LINGO1: variants seen among roughly 807,000 people sequenced by gnomAD.
The protein encoded by LINGO1 is leucine rich repeat and Ig domain containing 1.
Under a neutral mutation model 37.3 loss-of-function variants are expected in LINGO1, and 11 were observed. The observed-to-expected ratio is 0.29, with a 90% confidence interval of 0.19 to 0.49. The LOEUF (loss-of-function observed/expected upper bound fraction) is 0.49, where lower values mean the gene tolerates loss of function less well. Among genes scored for constraint, LINGO1 ranks in the 20% least tolerant of loss-of-function variants. The pLI is 0.99. For missense variants in LINGO1, 585 were observed against 878.2 expected, an observed-to-expected ratio of 0.67 and a Z score of 4.22; for synonymous variants, 387 against 403.0, an observed-to-expected ratio of 0.96 and a Z score of 0.48.
At chr15:77,727,821 A>C (rs1039054451) in intron 2 of LINGO1, among the ~76,000 whole-genome samples, 3 of 152,074 alleles carry the variant, frequency 2.0e-5, no homozygotes, top group African/African-American at 4.8e-5. Context: ...CAGAGAGGTG[A>C]AGTAATTTCC....
intron 1 of LINGO1, among the ~76,000 whole-genome samples, chr15:77,737,440 G>A (rs1311665077): frequency 1.3e-5 from 2 of 152,002 alleles, no homozygotes; most frequent in African/African-American, 4.8e-5. Flanking sequence ...AGGGGAGGAA[G>A]GAGAGGGAGG....
intron 3 of LINGO1, chr15:77,647,766 C>A: frequency 2.3e-6 from 1 of 434,020 alleles, no homozygotes. Flanking sequence ...CTTTGCCCTT[C>A]CCTCTCACCC....
intron 1 of LINGO1, among the ~76,000 whole-genome samples, chr15:77,782,469 G>A (rs2076729372): frequency 6.6e-6 from 1 of 152,184 alleles, no homozygotes; most frequent in Admixed American, 6.5e-5. Flanking sequence ...TTAGGGCAAA[G>A]CCTTTGACCT....
At chr15:77,675,967 T>C (rs191565393) in intron 3 of LINGO1, among the ~76,000 whole-genome samples, 78 of 152,332 alleles carry the variant, frequency 5.1e-4, no homozygotes, top group African/African-American at 1.8e-3. Flanking sequence ...CACAGCTCCA[T>C]GCCTGTCTCT....
Position 77,632,528 on chromosome 15 carries a change from G to A in LINGO1, c.-213C>T, listed in dbSNP as rs1405273231. 2 of 322,526 alleles carry A rather than the reference G, an allele frequency of 6.2e-6. No individual in the cohort carries two copies. Among genetic ancestry groups the A allele is most frequent in the African/African-American group, 2.2e-5 (1 of 45,214 alleles). 20.0% of individuals were successfully genotyped at this position (322,526 alleles called of 1,614,324 possible). ...AGCCGGAGCCGGGGCCGGGGCTCGG[G>A]AGTGGGGAGGCGGGAGGCCGCGGCC... On this transcript the variant is annotated 5_prime_UTR_variant, in exon 1 of 2. Transcript: ENST00000355300. The surrounding 1 kb of genome is among the most constrained non-coding windows in gnomAD (Gnocchi z 6.0).
At chr15:77,656,663 C>G (rs1251299576) in intron 3 of LINGO1, among the ~76,000 whole-genome samples, 1 of 152,146 alleles carries the variant, frequency 6.6e-6, no homozygotes, top group Non-Finnish European at 1.5e-5. Context: ...GACTCCCAGT[C>G]CTGTCCTCGG....
chr15:77,624,899 T>G (rs1434590845), intron 1 of LINGO1, among the ~76,000 whole-genome samples: 1 of 152,128 alleles, frequency 6.6e-6, no homozygotes, highest in African/African-American at 2.4e-5. Context: ...AGTATCTCCC[T>G]TCTCATGTCT....
At chr15:77,780,009 C>G (rs1196832022) in intron 1 of LINGO1, among the ~76,000 whole-genome samples, 2 of 152,178 alleles carry the variant, frequency 1.3e-5, no homozygotes, top group Non-Finnish European at 2.9e-5. Flanking sequence ...GCCACAGAAG[C>G]TCAGAGGAGG....
At chr15:77,700,321 T>C (rs1240873156), upstream of LINGO1, among the ~76,000 whole-genome samples, 3 of 152,204 alleles carry the variant, frequency 2.0e-5, no homozygotes, top group Non-Finnish European at 2.9e-5. Flanking sequence ...TTGCCTACTC[T>C]GGGAGAAGGG....
intron 3 of LINGO1, among the ~76,000 whole-genome samples, chr15:77,670,173 C>T (rs1382866086): frequency 6.6e-6 from 1 of 152,046 alleles, no homozygotes; most frequent in Non-Finnish European, 1.5e-5. Flanking sequence ...AAAGTAGATT[C>T]GTGGTTGCCA....
chr15:77,803,569 C>A (rs1436026209), intron 1 of LINGO1, among the ~76,000 whole-genome samples: 1 of 152,012 alleles, frequency 6.6e-6, no homozygotes, highest in Non-Finnish European at 1.5e-5. Context: ...AAGGTAATTC[C>A]CAGTGTTGGA....
In LINGO1 at chr15:77,639,596, G is replaced by A. The variant is rs557168835; in HGVS notation, c.-12-23696C>T. 2.0e-5 allele frequency among the ~76,000 whole-genome samples: 3 copies of A among 152,238 alleles called. No individual in the cohort carries two copies. In the East Asian group the frequency reaches 5.8e-4, roughly 29 times the overall value. On this transcript the variant is annotated intron_variant, in intron 3 of 3. Coordinates refer to the LINGO1 transcript ENST00000559893. ...AGTGCCCATCATTGGGAAAAGGAAT[G>A]TACAGAACACGGTACATTCGCACAA...
intron 2 of LINGO1, among the ~76,000 whole-genome samples, chr15:77,732,789 T>C (rs1022233924): frequency 2.0e-5 from 3 of 152,216 alleles, no homozygotes; most frequent in African/African-American, 7.2e-5. Flanking sequence ...GCATAATGCC[T>C]CCTTCCCGGC....
intron 2 of LINGO1, among the ~76,000 whole-genome samples, chr15:77,680,876 A>C (rs1379321076): frequency 6.6e-6 from 1 of 152,216 alleles, no homozygotes; most frequent in African/African-American, 2.4e-5. Flanking sequence ...CTGGTGTTTT[A>C]CTTTGGCAAT....
chr15:77,620,607 G>A (rs2073887584), intron 1 of LINGO1, among the ~76,000 whole-genome samples: 1 of 152,266 alleles, frequency 6.6e-6, no homozygotes, highest in East Asian at 1.9e-4. Flanking sequence ...CCACTTCAGT[G>A]TCCCTGAGGG....
At chr15:77,741,417 G>A (rs770598158) in intron 1 of LINGO1, among the ~76,000 whole-genome samples, 9 of 152,178 alleles carry the variant, frequency 5.9e-5, no homozygotes, top group Non-Finnish European at 1.3e-4. Flanking sequence ...GGGCCCTGAG[G>A]ACCCCTTACC....
chr15:77,749,960 G>T (rs138129707), intron 1 of LINGO1, among the ~76,000 whole-genome samples: 1 of 152,022 alleles, frequency 6.6e-6, no homozygotes, highest in Non-Finnish European at 1.5e-5. Flanking sequence ...GTGGGGGTGG[G>T]GAGTGGGTGA....
chr15:77,787,272 T>TA (rs762382691), upstream of LINGO1: 8 of 152,254 alleles, frequency 5.3e-5, no homozygotes, highest in South Asian at 2.1e-4. Context: ...CACTGCCGCA[T>TA]ACCATCCTTA....
Position 77,794,328 on chromosome 15 carries a change from A to G in LINGO1, c.-343+1611T>C, listed in dbSNP as rs1325508654. On this transcript the variant is annotated intron_variant, in intron 2 of 5. Transcript: ENST00000562933. The stretch of plus-strand genomic sequence containing the variant: ...TACATATATGTGTATATACATACAT[A>G]TATGTATATACATACATATATACGT... Among the ~76,000 whole-genome samples the G allele has an allele frequency of 4.1e-5, 5 of 120,880 alleles. 1 individual carries two copies. Among genetic ancestry groups the G allele is most frequent in the South Asian group, 2.4e-4 (1 of 4,128 alleles). The allele number at this position is 120,880 out of a possible 152,430, so 79.3% of individuals were successfully genotyped here. A position where few individuals can be genotyped will look rare whatever the true frequency, so the allele number is the denominator to read the frequency against.
Sources: gnomAD v4.1 joint callset for allele counts (sites outside exome capture counted in the v4.1 genomes callset) on GRCh38, gnomAD v4.1.1 for gene constraint, Gnocchi (gnomAD v3.1) non-coding constraint, MANE v1.5 for transcripts, NCBI Gene and HGNC (gene_info 2026-07-23, HGNC 2026-07-21) for gene names.